Variants in IFT140 observed in about 807,000 individuals in gnomAD.
IFT140 encodes intraflagellar transport protein 140 homolog.
A neutral mutation model predicts 164.6 loss-of-function variants in IFT140; 133 were observed. The observed-to-expected ratio is 0.81, with a 90% CI of 0.70 to 0.93. The LOEUF is 0.93. IFT140 is among the 40% of genes least tolerant of loss of function. IFT140 has a pLI of 0.00. For synonymous variants in IFT140, 860 were observed against 817.3 expected (o/e 1.05, Z -0.89); for missense variants, 2,045 against 1,972.3 (o/e 1.04, Z -0.70).
chr16:1,546,036 C>T (rs576910507), intron 19 of IFT140, among the ~76,000 whole-genome samples: 1 of 152,370 alleles, frequency 6.6e-6, no homozygotes, highest in South Asian at 2.1e-4. Flanking sequence ...TAGCTTCTCC[C>T]CTCTCCTCCT....
At chr16:1,520,902 C>T in intron 26 of IFT140, 94 bp from the exon 27 acceptor site, 2 of 1,219,084 alleles carry the variant, frequency 1.6e-6, no homozygotes, top group Non-Finnish European at 2.3e-6. Context: ...AACCAGGCCC[C>T]TCGGCTCAGC....
chr16:1,540,765 TA>T, intron 19 of IFT140: 1 of 919,790 alleles, frequency 1.1e-6, no homozygotes, highest in Non-Finnish European at 1.3e-6. Context: ...GCAAGTCATT[TA>T]AAAAGGTGCA....
chr16:1,583,393 A>AGT lies in IFT140; in HGVS notation c.1360-8_1360-7insAC. The stretch of plus-strand genomic sequence containing the variant: ...TCCAGACTGCGACAGCATCCTGAAA[A>AGT]GAACCACGGACATTCGAGGCAAAGG... On this transcript the variant is annotated splice_region_variant and splice_polypyrimidine_tract_variant and intron_variant, in intron 11 of 30. Coordinates refer to ENST00000426508, the MANE Select transcript of IFT140 (RefSeq NM_014714.4). The AGT allele has an allele frequency of 6.2e-7, 1 of 1,613,880 alleles. No individual in the cohort carries two copies. Among genetic ancestry groups the AGT allele is most frequent in the South Asian group, 1.1e-5 (1 of 91,068 alleles).
chr16:1,560,831 A>T (rs1260984204), intron 18 of IFT140, among the ~76,000 whole-genome samples: 1 of 152,244 alleles, frequency 6.6e-6, no homozygotes, highest in Non-Finnish European at 1.5e-5. Flanking sequence ...TCCAGGTCCG[A>T]GTCTACAGGG....
Position 1,580,746 on chromosome 16 carries a change from A to C in IFT140, c.1524+13T>G, listed in dbSNP as rs1469294422. 2 of 1,592,392 alleles carry C rather than the reference A, an allele frequency of 1.3e-6. No individual in the cohort carries two copies. The highest frequency in any genetic ancestry group is 2.7e-5 in the African/African-American group (2 of 74,454). ...CTCTGCTCTGGTTTTCTTGCAGTGGAGCAGCAACTTACCTGCCAGGTTCGA... is the reference window on the plus strand; with the variant it reads ...CTCTGCTCTGGTTTTCTTGCAGTGGCGCAGCAACTTACCTGCCAGGTTCGA... On this transcript the variant is annotated intron_variant, in intron 13 of 30. Coordinates refer to ENST00000426508, the MANE Select transcript of IFT140 (RefSeq NM_014714.4).
chr16:1,525,776 G>A, intron 21 of IFT140, 111 bp downstream of exon 21: 1 of 1,123,426 alleles, frequency 8.9e-7, no homozygotes, highest in African/African-American at 1.6e-5. Context: ...CCCTGAGACA[G>A]ACGCCTCCTC....
At chr16:1,539,735 C>T (rs1448601126) in intron 19 of IFT140, among the ~76,000 whole-genome samples, 1 of 152,222 alleles carries the variant, frequency 6.6e-6, no homozygotes, top group Non-Finnish European at 1.5e-5. Flanking sequence ...CAGCTGCTGC[C>T]GCTTCCCATG....
At chr16:1,541,932 A>G (rs1024433876) in intron 19 of IFT140, 4 of 1,603,880 alleles carry the variant, frequency 2.5e-6, no homozygotes, top group African/African-American at 2.7e-5. Context: ...GCAGTTCGAC[A>G]TGATGCGCGC....
chr16:1,535,724 G>A (rs2030996523), intron 19 of IFT140, among the ~76,000 whole-genome samples: 2 of 152,338 alleles, frequency 1.3e-5, no homozygotes, highest in African/African-American at 4.8e-5. Flanking sequence ...TCCCACGAGG[G>A]AATTCAACCC....
Position 1,612,004 on chromosome 16 carries a change from G to C in IFT140, c.-258C>G, listed in dbSNP as rs2036333616. ...TGCTTCCACACTTCTCAGAACTCAG[G>C]TTCGCGCCCGATTCCACACTCCGAG... On this transcript the variant is annotated 5_prime_UTR_variant, in exon 1 of 31. Coordinates refer to ENST00000426508, the MANE Select transcript of IFT140 (RefSeq NM_014714.4). 1 of 152,190 alleles carries C rather than the reference G, an allele frequency of 6.6e-6. No individual in the cohort carries two copies. Among genetic ancestry groups the C allele is most frequent in the African/African-American group, 2.4e-5 (1 of 41,420 alleles). 9.4% of individuals were successfully genotyped at this position (152,190 alleles called of 1,614,324 possible). A position where few individuals can be genotyped will look rare whatever the true frequency, so the allele number is the denominator to read the frequency against.
rs1436851818 is a variant in IFT140, at chr16:1,583,445, AC to A, written c.1360-60del. 3 of 1,377,810 alleles carry A rather than the reference AC, an allele frequency of 2.2e-6. No homozygotes were observed. The African/African-American group carries it at 4.3e-5, about 20-fold the overall frequency. 85.3% of individuals were successfully genotyped at this position (1,377,810 alleles called of 1,614,324 possible). Reference sequence around the variant, plus strand: ...CGGGAAAAGTGAGGTGCAACTGTACACCCCACTGCACACCTCGAAAGCCTCC... The same window carrying A: ...CGGGAAAAGTGAGGTGCAACTGTACACCCACTGCACACCTCGAAAGCCTCC... On this transcript the variant is annotated intron_variant, in intron 11 of 30. Transcript: ENST00000426508.
intron 6 of IFT140, among the ~76,000 whole-genome samples, chr16:1,591,550 C>G (rs59591750): frequency 6.6e-6 from 1 of 152,214 alleles, no homozygotes; most frequent in East Asian, 1.9e-4. Flanking sequence ...TCCTCAGCCA[C>G]GCCAGCAACC....
intron 19 of IFT140, among the ~76,000 whole-genome samples, chr16:1,528,275 C>T (rs934071803): frequency 1.3e-5 from 2 of 152,154 alleles, no homozygotes; most frequent in African/African-American, 4.8e-5. Flanking sequence ...CTCTGCCACA[C>T]GCGCCTCCCC....
intron 2 of IFT140, among the ~76,000 whole-genome samples, chr16:1,608,631 C>CAG (rs11438070): frequency 3.6e-5 from 3 of 83,722 alleles, no homozygotes; most frequent in Non-Finnish European, 6.9e-5. Flanking sequence ...GACTCCGCCT[C>CAG]AAAAAAAAAA....
Position 1,524,556 on chromosome 16 carries a change from C to T in IFT140, c.3137G>A (p.Cys1046Tyr), listed in dbSNP as rs752148006. ...AQAFKNAIRL[C>Y]KENGLDDQLM... ...CCCACCCCGGGCCCGTGGTACCTTG[C>T]ACAGGCGGATGGCATTCTTGAAGGC... The change falls in exon 24 of 31, where the codon TGC (cysteine) becomes TAC (tyrosine). Residue 1046 changes from cysteine to tyrosine, a missense_variant. By Grantham distance (194) the Cys-to-Tyr change is radical. Transcript: ENST00000426508. 14 of 1,611,618 alleles carry T rather than the reference C, an allele frequency of 8.7e-6. No individual in the cohort carries two copies. In the Admixed American group the frequency reaches 2.0e-4, roughly 23 times the overall value.
At chr16:1,541,719 A>G (rs1239971015) in intron 19 of IFT140, among the ~76,000 whole-genome samples, 1 of 152,014 alleles carries the variant, frequency 6.6e-6, no homozygotes, top group Non-Finnish European at 1.5e-5. Flanking sequence ...AACCCTTCCC[A>G]TCAGGAAGAC....
rs189232948 is a variant in IFT140, at chr16:1,525,154, C to T, written c.2864+77G>A. ...GTGCAGGAAGCACGGGAAAGGGAGC[C>T]GTCTCAGCAAGCCCTGGGGTCCCTG... On this transcript the variant is annotated intron_variant, in intron 22 of 30. Transcript: ENST00000426508. 1.0e-4 allele frequency: 129 copies of T among 1,291,860 alleles called. No homozygotes were observed. In the East Asian group the frequency reaches 2.4e-3, roughly 24 times the overall value. The allele number at this position is 1,291,860 out of a possible 1,614,324, so 80.0% of individuals were successfully genotyped here.
At chr16:1,530,131 A>ATTTTTTTTTTTTT (rs2030295926) in intron 19 of IFT140, among the ~76,000 whole-genome samples, 4 of 126,534 alleles carry the variant, frequency 3.2e-5, no homozygotes, top group African/African-American at 1.5e-4. Flanking sequence ...CACGACGGGA[A>ATTTTTTTTTTTTT]TCTTTTTTTT....
intron 13 of IFT140, among the ~76,000 whole-genome samples, chr16:1,579,831 G>A (rs1486413346): frequency 6.6e-6 from 1 of 152,062 alleles, no homozygotes; most frequent in Non-Finnish European, 1.5e-5. Flanking sequence ...GGGTGTGGTG[G>A]CGCACACCTG....
Sources: gnomAD v4.1 joint callset for allele counts (sites outside exome capture counted in the v4.1 genomes callset) on GRCh38, gnomAD v4.1.1 for gene constraint, MANE v1.5 for transcripts, NCBI Gene and HGNC (gene_info 2026-07-23, HGNC 2026-07-21) for gene names.